CDC42SE2: variants seen among roughly 807,000 people sequenced by gnomAD.
The protein encoded by CDC42SE2 is CDC42 small effector 2, also known as CDC42 small effector protein 2.
CDC42SE2 carries 3 observed loss-of-function variants against 11.5 expected under a neutral mutation model. The observed-to-expected ratio is 0.26, with a 90% CI of 0.12 to 0.67. The LOEUF (loss-of-function observed/expected upper bound fraction) is 0.67, where lower values mean the gene tolerates loss of function less well. CDC42SE2 is among the 30% of genes least tolerant of loss of function. The pLI is 0.80. For missense variants in CDC42SE2, 82 were observed against 106.8 expected, an observed-to-expected ratio of 0.77 and a Z score of 1.02; for synonymous variants, 33 against 34.8, an observed-to-expected ratio of 0.95 and a Z score of 0.18.
the CDC42SE2 span, among the ~76,000 whole-genome samples, chr5:131,219,287 T>G: frequency 1.8e-4 from 27 of 152,352 alleles, no homozygotes; most frequent in Non-Finnish European, 3.8e-4. Flanking sequence ...TTATTGATAA[T>G]GGTATAGATT....
chr5:131,303,702 C>G (rs907297494), intron 1 of CDC42SE2, among the ~76,000 whole-genome samples: 1 of 152,190 alleles, frequency 6.6e-6, no homozygotes, highest in Non-Finnish European at 1.5e-5. Context: ...GCAGCAGTGA[C>G]AACAGAAAGA....
At chr5:131,380,121 T>C (rs903567554) in intron 3 of CDC42SE2, among the ~76,000 whole-genome samples, 4 of 151,816 alleles carry the variant, frequency 2.6e-5, no homozygotes, top group African/African-American at 9.7e-5. Context: ...AAATATTTAA[T>C]TTTCCATAGT....
the CDC42SE2 span, among the ~76,000 whole-genome samples, chr5:131,235,512 T>C: frequency 2.6e-5 from 4 of 151,056 alleles, no homozygotes; most frequent in African/African-American, 7.3e-5. Flanking sequence ...ATGGTCTCGA[T>C]CTCTTGACCT....
intron 1 of CDC42SE2, among the ~76,000 whole-genome samples, chr5:131,281,400 A>G (rs1468544254): frequency 6.6e-6 from 1 of 152,182 alleles, no homozygotes; most frequent in African/African-American, 2.4e-5. Flanking sequence ...AAGAGACTTG[A>G]CAGCCCCTAA....
At chr5:131,225,061 T>C in the CDC42SE2 span, among the ~76,000 whole-genome samples, 10 of 152,008 alleles carry the variant, frequency 6.6e-5, no homozygotes, top group South Asian at 2.1e-3. Flanking sequence ...GAACAGTGGC[T>C]TAGGTGGAGC....
chr5:131,249,777 G>C (rs190323589), intron 1 of CDC42SE2, among the ~76,000 whole-genome samples: 12 of 152,308 alleles, frequency 7.9e-5, no homozygotes, highest in African/African-American at 2.6e-4. Flanking sequence ...TAGGTACTCA[G>C]GAGGCTGAGG....
intron 1 of CDC42SE2, among the ~76,000 whole-genome samples, chr5:131,297,760 AT>A (rs1188951812): frequency 1.3e-5 from 2 of 151,762 alleles, no homozygotes. Flanking sequence ...ATTAAAAATT[AT>A]AAAAATTATA....
chr5:131,213,165 C>T, the CDC42SE2 span, among the ~76,000 whole-genome samples: 1 of 152,106 alleles, frequency 6.6e-6, no homozygotes, highest in African/African-American at 2.4e-5. Context: ...TGCACTCCAG[C>T]CTGGGCAACA....
intron 1 of CDC42SE2, among the ~76,000 whole-genome samples, chr5:131,288,425 A>T (rs780074962): frequency 6.6e-6 from 1 of 152,190 alleles, no homozygotes; most frequent in Non-Finnish European, 1.5e-5. Context: ...ATATCAGCCT[A>T]TTGAGTAGTT....
intron 3 of CDC42SE2, among the ~76,000 whole-genome samples, chr5:131,364,623 A>G (rs908969522): frequency 6.6e-6 from 1 of 152,248 alleles, no homozygotes; most frequent in Non-Finnish European, 1.5e-5. Flanking sequence ...GACAGAGAGC[A>G]CTGACAAACC....
chr5:131,341,514 G>A (rs2149752991), intron 2 of CDC42SE2, among the ~76,000 whole-genome samples: 1 of 152,308 alleles, frequency 6.6e-6, no homozygotes, highest in East Asian at 1.9e-4. Context: ...AGCCAGGGGA[G>A]TATGTGTATG....
chr5:131,357,800 T>C (rs1208555115), intron 2 of CDC42SE2, among the ~76,000 whole-genome samples: 1 of 152,232 alleles, frequency 6.6e-6, no homozygotes, highest in Non-Finnish European at 1.5e-5. Flanking sequence ...TCTGCTGCTT[T>C]CCTTTCACTC....
intron 3 of CDC42SE2, among the ~76,000 whole-genome samples, chr5:131,377,294 G>A (rs937521909): frequency 6.6e-6 from 1 of 150,522 alleles, no homozygotes; most frequent in South Asian, 2.1e-4. Context: ...TCAGCCTCTC[G>A]AGTAGTTGGG....
At chr5:131,289,614 A>G (rs1234061147) in intron 1 of CDC42SE2, among the ~76,000 whole-genome samples, 1 of 151,908 alleles carries the variant, frequency 6.6e-6, no homozygotes, top group African/African-American at 2.4e-5. Context: ...CAGAGCTTGC[A>G]GTGAGCTGAG....
chr5:131,325,087 G>A (rs941766659), intron 2 of CDC42SE2, among the ~76,000 whole-genome samples: 7 of 152,068 alleles, frequency 4.6e-5, no homozygotes, highest in African/African-American at 1.4e-4. Context: ...TGGTTGTTAC[G>A]TGTTTAGGTT....
chr5:131,244,003 G>C (rs1756559963), upstream of CDC42SE2, among the ~76,000 whole-genome samples: 1 of 152,130 alleles, frequency 6.6e-6, no homozygotes, highest in African/African-American at 2.4e-5. Context: ...CAAAAGAATG[G>C]AAAAACTTTG....
the CDC42SE2 span, among the ~76,000 whole-genome samples, chr5:131,231,433 A>C: frequency 6.6e-6 from 1 of 152,178 alleles, no homozygotes; most frequent in Admixed American, 6.5e-5. Flanking sequence ...TGCATAACAA[A>C]TCATGCAAAA....
At chr5:131,275,387 C>G (rs1038599450) in intron 1 of CDC42SE2, among the ~76,000 whole-genome samples, 2 of 149,838 alleles carry the variant, frequency 1.3e-5, no homozygotes, top group African/African-American at 4.9e-5. Context: ...AACTCCGTCT[C>G]CCGGATTCAA....
In CDC42SE2 at chr5:131,301,574, A is replaced by G. The variant is rs559956596; in HGVS notation, c.-454-14402A>G. Among the ~76,000 whole-genome samples, 301 of 152,198 alleles carry G rather than the reference A, an allele frequency of 2.0e-3. 1 individual carries two copies. The highest frequency in any genetic ancestry group is 7.0e-3 in the African/African-American group (289 of 41,530). ...GGAGTTCGAGACCAGCCTGATCAAC[A>G]TGGTGATACCCTGTCTCTACTAAAA... On this transcript the variant is annotated intron_variant, in intron 1 of 4. Coordinates refer to ENST00000505065, the MANE Select transcript of CDC42SE2 (RefSeq NM_001375635.1).
Sources: gnomAD v4.1 joint callset for allele counts (sites outside exome capture counted in the v4.1 genomes callset) on GRCh38, gnomAD v4.1.1 for gene constraint, MANE v1.5 for transcripts, NCBI Gene and HGNC (gene_info 2026-07-23, HGNC 2026-07-21) for gene names.